PLCXD3: variants seen among roughly 807,000 people sequenced by gnomAD.
PLCXD3 encodes PI-PLC X domain-containing protein 3.
A neutral mutation model predicts 25.5 loss-of-function variants in PLCXD3; 19 were observed. The observed-to-expected ratio is 0.75, with a 90% CI of 0.52 to 1.09. The LOEUF (loss-of-function observed/expected upper bound fraction) is 1.09. Among genes scored for constraint, PLCXD3 ranks in the 50% least tolerant of loss-of-function variants. The pLI is 0.00. For synonymous variants in PLCXD3, 174 were observed against 137.6 expected (o/e 1.26, Z -1.85); for missense variants, 411 against 388.1 (o/e 1.06, Z -0.50).
intron 1 of PLCXD3, among the ~76,000 whole-genome samples, chr5:41,405,670 G>T (rs186613277): frequency 6.6e-6 from 1 of 152,178 alleles, no homozygotes; most frequent in Admixed American, 6.5e-5. Flanking sequence ...AAGTCAATGG[G>T]TCCATTGTTC....
At chr5:41,439,775 A>G (rs1747337194) in intron 1 of PLCXD3, among the ~76,000 whole-genome samples, 1 of 152,140 alleles carries the variant, frequency 6.6e-6, no homozygotes, top group African/African-American at 2.4e-5. Flanking sequence ...ATATATTAAA[A>G]CCTAATATCT....
intron 1 of PLCXD3, among the ~76,000 whole-genome samples, chr5:41,440,215 A>ATTTTTTTTTTTTTTTTTTTTTTTTTTT (rs70988846): frequency 4.9e-5 from 2 of 41,080 alleles, no homozygotes; most frequent in African/African-American, 1.0e-4. Context: ...TAATCTCTCA[A>ATTTTTTTTTTTTTTTTTTTTTTTTTTT]TTTTTTTTTT....
intron 1 of PLCXD3, among the ~76,000 whole-genome samples, chr5:41,472,681 C>T (rs1748191423): frequency 1.3e-5 from 2 of 152,106 alleles, no homozygotes; most frequent in Non-Finnish European, 2.9e-5. Flanking sequence ...CATTGAAGTA[C>T]CTTAAGGATC....
chr5:41,387,641 T>C (rs1037350332), intron 1 of PLCXD3, among the ~76,000 whole-genome samples: 3 of 152,122 alleles, frequency 2.0e-5, no homozygotes, highest in African/African-American at 7.2e-5. Flanking sequence ...TAAAAAATTA[T>C]ATGTACTACT....
intron 1 of PLCXD3, among the ~76,000 whole-genome samples, chr5:41,397,343 A>G (rs987048395): frequency 6.6e-6 from 1 of 152,136 alleles, no homozygotes; most frequent in Non-Finnish European, 1.5e-5. Flanking sequence ...AGCTTGGGAC[A>G]TTTCTTCAGA....
intron 2 of PLCXD3, among the ~76,000 whole-genome samples, chr5:41,375,037 G>A (rs77974604): frequency 0.15 from 23,499 of 152,032 alleles, 2,245 homozygotes; most frequent in Admixed American, 0.22. Flanking sequence ...CATCCCTTCC[G>A]GGTACAGGCA....
At chr5:41,406,230 T>G (rs1358862376) in intron 1 of PLCXD3, among the ~76,000 whole-genome samples, 1 of 152,124 alleles carries the variant, frequency 6.6e-6, no homozygotes, top group Non-Finnish European at 1.5e-5. Flanking sequence ...CAAAGCTGTA[T>G]TGCAGACCTC....
At chr5:41,443,404 C>T (rs1392861953) in intron 1 of PLCXD3, among the ~76,000 whole-genome samples, 1 of 152,036 alleles carries the variant, frequency 6.6e-6, no homozygotes, top group Admixed American at 6.6e-5. Context: ...ATGTTTACAC[C>T]ATAATGAAAT....
At position 41,453,355 on chromosome 5, in the gene PLCXD3, C is replaced by CTTTT. The variant is rs1167250089; in HGVS notation, c.103+57065_103+57068dup. On this transcript the variant is annotated intron_variant, in intron 1 of 2. Transcript: ENST00000377801. ...ACTATGCTCTGTACCCATTCTCTGT[C>CTTTT]TTTTTTTTTTTTTAATGACCGCATG... Among the ~76,000 whole-genome samples the CTTTT allele has an allele frequency of 2.1e-5, 3 of 144,218 alleles. No homozygotes were observed. The Admixed American group carries it at 2.1e-4, about 10-fold the overall frequency. The allele number at this position is 144,218 out of a possible 152,430, so 94.6% of individuals were successfully genotyped here. A position where few individuals can be genotyped will look rare whatever the true frequency, so the allele number is the denominator to read the frequency against.
At chr5:41,368,348 G>C (rs1463179673) in intron 2 of PLCXD3, among the ~76,000 whole-genome samples, 1 of 152,056 alleles carries the variant, frequency 6.6e-6, no homozygotes, top group East Asian at 1.9e-4. Context: ...CCTGTTGTTG[G>C]TTTATAGGAA....
intron 1 of PLCXD3, among the ~76,000 whole-genome samples, chr5:41,391,837 T>C (rs2150496206): frequency 6.6e-6 from 1 of 152,052 alleles, no homozygotes; most frequent in African/African-American, 2.4e-5. Flanking sequence ...GAAGGGTGAG[T>C]CCCAGGCCAG....
chr5:41,447,816 C>A (rs1304851906), intron 1 of PLCXD3, among the ~76,000 whole-genome samples: 1 of 152,218 alleles, frequency 6.6e-6, no homozygotes, highest in African/African-American at 2.4e-5. Flanking sequence ...CTAGCGTAAA[C>A]CTTCAAACCT....
chr5:41,424,144 A>G (rs1580366228), intron 1 of PLCXD3, among the ~76,000 whole-genome samples: 2 of 152,094 alleles, frequency 1.3e-5, no homozygotes, highest in African/African-American at 2.4e-5. Context: ...ACTATTCACA[A>G]TAGCCAATAT....
intron 1 of PLCXD3, among the ~76,000 whole-genome samples, chr5:41,471,419 C>A (rs1748153983): frequency 6.6e-6 from 1 of 152,126 alleles, no homozygotes; most frequent in Admixed American, 6.5e-5. Context: ...CAGCAGAAAG[C>A]AAAACTCGGT....
intron 2 of PLCXD3, among the ~76,000 whole-genome samples, chr5:41,329,803 AT>A (rs1200552084): frequency 1.0e-4 from 15 of 148,294 alleles, no homozygotes; most frequent in Admixed American, 6.8e-5. Context: ...TATTTAATCT[AT>A]TTTATTATAT....
At chr5:41,359,140 C>T (rs369652716) in intron 2 of PLCXD3, among the ~76,000 whole-genome samples, 10 of 151,944 alleles carry the variant, frequency 6.6e-5, no homozygotes, top group Non-Finnish European at 1.3e-4. Flanking sequence ...TGAGGATTTC[C>T]GCATCTATGT....
At chr5:41,355,087 C>T (rs1454522789) in intron 2 of PLCXD3, among the ~76,000 whole-genome samples, 1 of 152,142 alleles carries the variant, frequency 6.6e-6, no homozygotes, top group Admixed American at 6.5e-5. Context: ...TCCCTTTCTC[C>T]AGTTGTTCCT....
intron 2 of PLCXD3, among the ~76,000 whole-genome samples, chr5:41,365,666 A>AT (rs2150486694): frequency 6.6e-6 from 1 of 152,242 alleles, no homozygotes; most frequent in East Asian, 1.9e-4. Context: ...GGGAAACACT[A>AT]TTTTGGTCTA....
rs997352623 is a variant in PLCXD3 at position 41,310,792 on chromosome 5, A to G, written c.*2825T>C. ...TTTATAAATTAAGGCAAGTCCATTT[A>G]CTCTAAGTGCCTGCTACATAGGCAC... On this transcript the variant is annotated 3_prime_UTR_variant, in exon 3 of 3. Transcript: ENST00000377801. 6.6e-6 allele frequency: 1 copy of G among 152,502 alleles called. No homozygotes were observed. Among genetic ancestry groups the G allele is most frequent in the African/African-American group, 2.4e-5 (1 of 41,400 alleles). 9.4% of individuals were successfully genotyped at this position (152,502 alleles called of 1,614,324 possible).
Sources: gnomAD v4.1 joint callset for allele counts (sites outside exome capture counted in the v4.1 genomes callset) on GRCh38, gnomAD v4.1.1 for gene constraint, MANE v1.5 for transcripts, NCBI Gene and HGNC (gene_info 2026-07-23, HGNC 2026-07-21) for gene names.